The following ASTN1 variants were observed in gnomAD, a reference collection of about 807,000 sequenced individuals.
ASTN1 encodes the protein astrotactin-1.
Under a neutral mutation model 140.7 loss-of-function variants are expected in ASTN1, and 41 were observed. The observed-to-expected ratio is 0.29, with a 90% CI of 0.23 to 0.38. The LOEUF (loss-of-function observed/expected upper bound fraction) is 0.38. Ranked by LOEUF, ASTN1 falls within the 10% of genes least tolerant of loss-of-function variation. The probability of loss-of-function intolerance (pLI) is 1.00; values close to 1 mark genes in which losing one functional copy is unlikely to be tolerated. For missense variants in ASTN1, 1,479 were observed against 1,678.8 expected (o/e 0.88, Z 2.08); for synonymous variants, 640 against 652.2 (o/e 0.98, Z 0.29).
chr1:176,895,604 C>T (rs533882574), intron 16 of ASTN1, among the ~76,000 whole-genome samples: 1 of 152,240 alleles, frequency 6.6e-6, no homozygotes, highest in East Asian at 1.9e-4. Flanking sequence ...ATTTGCACTC[C>T]AAAACTTGAG....
intron 8 of ASTN1, among the ~76,000 whole-genome samples, chr1:176,983,771 G>A (rs1377032364): frequency 6.6e-6 from 1 of 152,146 alleles, no homozygotes; most frequent in African/African-American, 2.4e-5. Flanking sequence ...CCCCTGTACT[G>A]TGCATACCAG....
At chr1:176,906,301 A>G (rs941723863) in intron 16 of ASTN1, among the ~76,000 whole-genome samples, 5 of 152,194 alleles carry the variant, frequency 3.3e-5, no homozygotes, top group Non-Finnish European at 4.4e-5. Flanking sequence ...AATTCTGTGT[A>G]TTTTCAGAGA....
At chr1:177,115,186 C>T (rs1681020690) in intron 1 of ASTN1, among the ~76,000 whole-genome samples, 1 of 152,048 alleles carries the variant, frequency 6.6e-6, no homozygotes, top group South Asian at 2.1e-4. Flanking sequence ...TGCTCTAGTC[C>T]ATAGTCTAAA....
At chr1:177,144,484 C>T (rs933078886) in intron 1 of ASTN1, among the ~76,000 whole-genome samples, 12 of 150,036 alleles carry the variant, frequency 8.0e-5, no homozygotes, top group Non-Finnish European at 1.5e-4. Context: ...GATCTCCTGA[C>T]CTCGTGATCC....
At chr1:176,890,584 A>G (rs1669219383) in intron 17 of ASTN1, among the ~76,000 whole-genome samples, 1 of 152,206 alleles carries the variant, frequency 6.6e-6, no homozygotes, top group Non-Finnish European at 1.5e-5. Flanking sequence ...AGCGCTGGTA[A>G]GTAATTGCAG....
rs766772171 is a variant in ASTN1, at chr1:176,884,325, T to C, written c.3226+14A>G. On this transcript the variant is annotated intron_variant, in intron 19 of 22. Transcript: ENST00000361833. ...CTTGGATCAAGACAAGCCCATGAAGTAGAAGGTGCTCACCTGTCTCCACTT... is the reference window on the plus strand; with the variant it reads ...CTTGGATCAAGACAAGCCCATGAAGCAGAAGGTGCTCACCTGTCTCCACTT... The C allele has an allele frequency of 6.2e-7, 1 of 1,610,186 alleles. No homozygotes were observed. The highest frequency in any genetic ancestry group is 8.5e-7 in the Non-Finnish European group (1 of 1,176,580).
chr1:176,872,208 T>TTA (rs1553218568), intron 21 of ASTN1, among the ~76,000 whole-genome samples: 32 of 147,450 alleles, frequency 2.2e-4, no homozygotes, highest in African/African-American at 4.9e-4. Flanking sequence ...TTTTTTTTTT[T>TTA]AAAAAAAAGC....
At chr1:177,085,149 T>C (rs546301565) in intron 1 of ASTN1, among the ~76,000 whole-genome samples, 1 of 152,340 alleles carries the variant, frequency 6.6e-6, no homozygotes, top group African/African-American at 2.4e-5. Context: ...TATAAATACT[T>C]GTCTCACTTG....
intron 1 of ASTN1, among the ~76,000 whole-genome samples, chr1:177,139,281 A>G (rs1191804200): frequency 6.6e-6 from 1 of 152,272 alleles, no homozygotes; most frequent in Non-Finnish European, 1.5e-5. Flanking sequence ...AATGTAAGTT[A>G]GATAACAAAA....
At chr1:176,957,894 A>T (rs371109774) in intron 10 of ASTN1, 66 bp from the exon 11 acceptor site, 5 of 1,536,926 alleles carry the variant, frequency 3.3e-6, no homozygotes, top group East Asian at 2.3e-5. Flanking sequence ...AAGTGGCATT[A>T]CATTCCATGC....
intron 22 of ASTN1, among the ~76,000 whole-genome samples, chr1:176,866,771 AG>A (rs1487133771): frequency 6.6e-6 from 1 of 152,152 alleles, no homozygotes; most frequent in African/African-American, 2.4e-5. Context: ...CTCAATCTGG[AG>A]GCGTCATCAA....
chr1:177,156,139 G>A lies in ASTN1; in HGVS notation c.283+8255C>T, dbSNP rs536564069. 8.0e-4 allele frequency among the ~76,000 whole-genome samples: 122 copies of A among 151,916 alleles called. No homozygotes were observed. The Middle Eastern group carries it at 0.017, about 21-fold the overall frequency. On this transcript the variant is annotated intron_variant, in intron 1 of 22. Coordinates refer to ENST00000361833, the MANE Select transcript of ASTN1 (RefSeq NM_004319.3). ...ACAAAAATTAGCTGGGTGTGGTGGCGGGCACCTGTAATCCCAGCTACTCAG... is the reference window on the plus strand; with the variant it reads ...ACAAAAATTAGCTGGGTGTGGTGGCAGGCACCTGTAATCCCAGCTACTCAG...
At chr1:176,884,235 G>T in intron 19 of ASTN1, 104 bp downstream of exon 19, 1 of 1,357,788 alleles carries the variant, frequency 7.4e-7, no homozygotes, top group Non-Finnish European at 1.0e-6. Flanking sequence ...GCATTGCCCT[G>T]GGATACTGGG....
At chr1:176,953,222 G>A (rs1672266147) in intron 11 of ASTN1, among the ~76,000 whole-genome samples, 1 of 152,184 alleles carries the variant, frequency 6.6e-6, no homozygotes, top group Non-Finnish European at 1.5e-5. Flanking sequence ...GACTCACTAA[G>A]ATGCATACTT....
intron 16 of ASTN1, among the ~76,000 whole-genome samples, chr1:176,901,391 A>C (rs1669759551): frequency 6.6e-6 from 1 of 151,482 alleles, no homozygotes. Context: ...AATCTGGGAA[A>C]CTTGTAGCCA....
intron 17 of ASTN1, among the ~76,000 whole-genome samples, chr1:176,890,744 G>T (rs1557938302): frequency 6.6e-6 from 1 of 152,134 alleles, no homozygotes; most frequent in Non-Finnish European, 1.5e-5. Context: ...TCCTACTCTG[G>T]GCAGGGTATG....
intron 16 of ASTN1, among the ~76,000 whole-genome samples, chr1:176,915,289 C>G (rs1403782393): frequency 1.3e-5 from 2 of 152,148 alleles, no homozygotes; most frequent in Non-Finnish European, 2.9e-5. Context: ...TTAGTCCTTA[C>G]AATATTCTCA....
At chr1:176,930,086 C>T (rs1333481961) in intron 16 of ASTN1, among the ~76,000 whole-genome samples, 8 of 152,082 alleles carry the variant, frequency 5.3e-5, no homozygotes, top group South Asian at 2.1e-4. Flanking sequence ...GAGATACACA[C>T]GAGGGAACGA....
In ASTN1 at chr1:176,861,519, G is replaced by A; in HGVS notation, c.*2765C>T. On this transcript the variant is annotated 3_prime_UTR_variant, in exon 23 of 23. Transcript: ENST00000361833. ...GATGGGTTCCTTCAGGTAAGCATTA[G>A]GAAAAGTCAGCAGGTTGAGATCAAT... 1 of 985,850 alleles carries A rather than the reference G, an allele frequency of 1.0e-6. No homozygotes were observed. Among genetic ancestry groups the A allele is most frequent in the Non-Finnish European group, 1.2e-6 (1 of 829,978 alleles). The allele number at this position is 985,850 out of a possible 1,614,324, so 61.1% of individuals were successfully genotyped here.
Sources: allele counts gnomAD v4.1 joint callset (sites outside exome capture counted in the v4.1 genomes callset), GRCh38; gene constraint gnomAD v4.1.1; transcripts MANE v1.5; gene names NCBI Gene and HGNC (gene_info 2026-07-23, HGNC 2026-07-21).